The following DNAH9 variants were observed in gnomAD, a reference collection of about 807,000 sequenced individuals.
DNAH9 encodes the protein DNAH9 variant protein.
DNAH9 carries 345 observed loss-of-function variants against 471.6 expected under a neutral mutation model. The observed-to-expected ratio is 0.73, with a 90% CI of 0.67 to 0.80. DNAH9 has a LOEUF of 0.80. DNAH9 is among the 30% of genes least tolerant of loss of function. DNAH9 has a pLI of 0.00. For missense variants in DNAH9, 5,407 were observed against 5,609.2 expected (o/e 0.96, Z 1.15); for synonymous variants, 2,093 against 2,123.6 (o/e 0.99, Z 0.40).
chr17:11,746,117 A>C (rs758469240), intron 31 of DNAH9, among the ~76,000 whole-genome samples: 2 of 152,254 alleles, frequency 1.3e-5, no homozygotes, highest in Non-Finnish European at 2.9e-5. Flanking sequence ...GTCAAGAGTC[A>C]AGAGAAAAGA....
intron 1 of DNAH9, among the ~76,000 whole-genome samples, 171 bp downstream of exon 1, chr17:11,599,086 G>A (rs8079566): frequency 2.0e-5 from 3 of 151,212 alleles, no homozygotes; most frequent in African/African-American, 7.3e-5. Flanking sequence ...AACCAGGAGG[G>A]AAGTTCCTGA....
At chr17:11,721,418 C>T (rs1258295625) in intron 27 of DNAH9, among the ~76,000 whole-genome samples, 1 of 152,138 alleles carries the variant, frequency 6.6e-6, no homozygotes, top group Non-Finnish European at 1.5e-5. Flanking sequence ...GTGCTCCCTT[C>T]CTGGACACCA....
chr17:11,695,876 T>A (rs998148759), intron 22 of DNAH9, among the ~76,000 whole-genome samples: 1 of 152,252 alleles, frequency 6.6e-6, no homozygotes, highest in Non-Finnish European at 1.5e-5. Flanking sequence ...TTTTTCCTCA[T>A]GTGATTTTGT....
chr17:11,726,040 A>G (rs915851009), intron 27 of DNAH9, among the ~76,000 whole-genome samples: 21 of 152,198 alleles, frequency 1.4e-4, no homozygotes, highest in Admixed American at 1.2e-3. Context: ...TAGTAATTCA[A>G]CTTTCCAATC....
At chr17:11,941,745 GA>G (rs1974921577) in intron 66 of DNAH9, among the ~76,000 whole-genome samples, 2 of 151,382 alleles carry the variant, frequency 1.3e-5, no homozygotes, top group African/African-American at 4.9e-5. Context: ...GATAGTGATA[GA>G]TTAGATAGAT....
intron 48 of DNAH9, among the ~76,000 whole-genome samples, chr17:11,833,041 T>C (rs1178381301): frequency 1.3e-5 from 2 of 152,188 alleles, no homozygotes; most frequent in South Asian, 2.1e-4. Context: ...ACTTGAGAGT[T>C]TGCATTTCTA....
chr17:11,684,874 A>G (rs1212814287), intron 19 of DNAH9, among the ~76,000 whole-genome samples: 2 of 152,222 alleles, frequency 1.3e-5, no homozygotes, highest in East Asian at 1.9e-4. Flanking sequence ...CCATAACTGC[A>G]GAAAAGGGCA....
At chr17:11,793,698 G>GA (rs759311007) in intron 42 of DNAH9, 34 bp downstream of exon 42, 46,502 of 1,043,204 alleles carry the variant, frequency 0.045, 5 homozygotes, top group South Asian at 0.051. Context: ...CTTTGTATTT[G>GA]AAAAAAAAAA....
At chr17:11,733,231 T>C (rs2150823190) in intron 28 of DNAH9, among the ~76,000 whole-genome samples, 1 of 152,238 alleles carries the variant, frequency 6.6e-6, no homozygotes, top group East Asian at 1.9e-4. Flanking sequence ...TGAGCCACTC[T>C]CCTAGAATAG....
intron 14 of DNAH9, among the ~76,000 whole-genome samples, chr17:11,659,277 CATA>C (rs2073710746): frequency 6.6e-6 from 1 of 152,064 alleles, no homozygotes; most frequent in Admixed American, 6.6e-5. Context: ...AAAAATTGTT[CATA>C]ATTATTTCTT....
At chr17:11,835,860 T>C (rs1271035980) in intron 49 of DNAH9, among the ~76,000 whole-genome samples, 1 of 152,180 alleles carries the variant, frequency 6.6e-6, no homozygotes, top group Admixed American at 6.5e-5. Context: ...TCTGGTCCAC[T>C]GGAGATTTCC....
At position 11,796,649 on chromosome 17, in the gene DNAH9, C is replaced by A. The variant is rs377050568; in HGVS notation, c.8224-948C>A. 2.6e-5 allele frequency among the ~76,000 whole-genome samples: 4 copies of A among 152,002 alleles called. No individual in the cohort carries two copies. The South Asian group carries it at 8.3e-4, about 32-fold the overall frequency. Reference sequence around the variant, plus strand: ...CTCTTTCCCAGGTAGGTCTTCCAGTCTGAACTTTAGGAGGAAAAAACGACA... The same window carrying A: ...CTCTTTCCCAGGTAGGTCTTCCAGTATGAACTTTAGGAGGAAAAAACGACA... On this transcript the variant is annotated intron_variant, in intron 42 of 68. Transcript: ENST00000262442.
intron 33 of DNAH9, among the ~76,000 whole-genome samples, chr17:11,754,733 C>T (rs1415879729): frequency 6.6e-6 from 1 of 152,048 alleles, no homozygotes; most frequent in East Asian, 1.9e-4. Context: ...GATATTAGAC[C>T]TTTGTCAGAT....
intron 28 of DNAH9, 100 bp from the exon 29 acceptor site, chr17:11,738,780 G>C (rs1297319707): frequency 1.5e-5 from 16 of 1,037,776 alleles, no homozygotes; most frequent in African/African-American, 4.7e-5. Context: ...CCACAGGACA[G>C]TTCTTCGTGC....
intron 34 of DNAH9, among the ~76,000 whole-genome samples, chr17:11,757,211 C>T (rs559907754): frequency 6.6e-6 from 1 of 152,144 alleles, no homozygotes; most frequent in East Asian, 1.9e-4. Flanking sequence ...CTATAGTTAG[C>T]CATACTGTAG....
intron 67 of DNAH9, among the ~76,000 whole-genome samples, chr17:11,952,304 T>C (rs1975404071): frequency 1.5e-5 from 2 of 136,674 alleles, no homozygotes; most frequent in Non-Finnish European, 3.1e-5. Flanking sequence ...TACACCCAGC[T>C]AATTCTTTTT....
chr17:11,926,447 G>T (rs142424852), intron 62 of DNAH9, among the ~76,000 whole-genome samples: 2 of 151,886 alleles, frequency 1.3e-5, no homozygotes, highest in African/African-American at 2.4e-5. Flanking sequence ...TTTGTTCCCC[G>T]CCCCGTGTGT....
At chr17:11,808,923 T>C (rs939331524) in intron 44 of DNAH9, among the ~76,000 whole-genome samples, 1 of 152,162 alleles carries the variant, frequency 6.6e-6, no homozygotes, top group South Asian at 2.1e-4. Context: ...ATGAGAACCA[T>C]TGATCTAAAA....
In DNAH9 at chr17:11,711,957, T is replaced by C. The variant is rs535864534; in HGVS notation, c.5552+6772T>C. On this transcript the variant is annotated intron_variant, in intron 26 of 68. Coordinates refer to ENST00000262442, the MANE Select transcript of DNAH9 (RefSeq NM_001372.4). ...ATATATTTGTATATATATTTATATA[T>C]AAATATATATATTTGTATATATATT... Among the ~76,000 whole-genome samples the C allele has an allele frequency of 1.1e-3, 19 of 17,716 alleles. 8 individuals are homozygous for C. The highest frequency in any genetic ancestry group is 2.9e-3 in the Non-Finnish European group (18 of 6,308). 11.6% of individuals were successfully genotyped at this position (17,716 alleles called of 152,430 possible). A position where few individuals can be genotyped will look rare whatever the true frequency, so the allele number is the denominator to read the frequency against.
Sources: allele counts gnomAD v4.1 joint callset (sites outside exome capture counted in the v4.1 genomes callset), GRCh38; gene constraint gnomAD v4.1.1; transcripts MANE v1.5; gene names NCBI Gene and HGNC (gene_info 2026-07-23, HGNC 2026-07-21).